The following VASP variants were observed in gnomAD, a reference collection of about 807,000 sequenced individuals.
VASP encodes the protein vasodilator-stimulated phosphoprotein.
In VASP, 27 loss-of-function variants were observed where a neutral mutation model predicts 54.4. That is an observed-to-expected ratio of 0.50 (90% CI 0.37 to 0.68). The LOEUF (loss-of-function observed/expected upper bound fraction) is 0.68. Among genes scored for constraint, VASP ranks in the 30% least tolerant of loss-of-function variants. The pLI is 0.00. For missense variants in VASP, 488 were observed against 528.3 expected (o/e 0.92, Z 0.75); for synonymous variants, 233 against 209.8 (o/e 1.11, Z -0.96).
At chr19:45,517,168 T>A (rs1462424969) in intron 1 of VASP, among the ~76,000 whole-genome samples, 1 of 150,554 alleles carries the variant, frequency 6.6e-6, no homozygotes, top group South Asian at 2.1e-4. Flanking sequence ...ATAATAATTA[T>A]TATTATTAGA....
Position 45,524,725 on chromosome 19 carries a change from A to G in VASP, c.1047+65A>G, listed in dbSNP as rs1968922620. 3 of 1,457,868 alleles carry G rather than the reference A, an allele frequency of 2.1e-6. No homozygotes were observed. In the East Asian group the frequency reaches 7.1e-5, roughly 34 times the overall value. The allele number at this position is 1,457,868 out of a possible 1,614,324, so 90.3% of individuals were successfully genotyped here. A position where few individuals can be genotyped will look rare whatever the true frequency, so the allele number is the denominator to read the frequency against. Reference sequence around the variant, plus strand: ...TCTAGGTCTGGCCCCTGCCACTGGCATGCCGTATGATCCTAGATAACATCT... The same window carrying G: ...TCTAGGTCTGGCCCCTGCCACTGGCGTGCCGTATGATCCTAGATAACATCT... On this transcript the variant is annotated intron_variant, in intron 11 of 12. Transcript: ENST00000245932.
chr19:45,509,370 G>A (rs1490145018), intron 1 of VASP, among the ~76,000 whole-genome samples: 1 of 148,406 alleles, frequency 6.7e-6, no homozygotes, highest in Non-Finnish European at 1.5e-5. Context: ...CTCTCCCCTT[G>A]CCCCCCAGCC....
At chr19:45,517,198 G>T (rs1568387378) in intron 1 of VASP, among the ~76,000 whole-genome samples, 3 of 151,422 alleles carry the variant, frequency 2.0e-5, no homozygotes, top group Non-Finnish European at 4.4e-5. Context: ...TCACTATGTT[G>T]CCCAGGCTGC....
rs1968522018 is a variant in VASP at position 45,507,959 on chromosome 19, C to T, written c.5+183C>T. 6.6e-6 allele frequency among the ~76,000 whole-genome samples: 1 copy of T among 152,122 alleles called. No individual in the cohort carries two copies. The highest frequency in any genetic ancestry group is 1.5e-5 in the Non-Finnish European group (1 of 68,004). On this transcript the variant is annotated intron_variant, in intron 1 of 12. Transcript: ENST00000245932. This position sits in a 1 kb window ranked among gnomAD's most constrained non-coding sequence, Gnocchi z 4.4. Reference sequence around the variant, plus strand: ...GTCGATCACTTCTCCACGACTGACTCCCCAAGCTCGGGGGGTGGTGGCGGT... The same window carrying T: ...GTCGATCACTTCTCCACGACTGACTTCCCAAGCTCGGGGGGTGGTGGCGGT...
rs1377172860 is a variant in VASP, at chr19:45,518,012, G to T, written c.261G>T (p.Gln87His). ...TCCATCAGTGGCGCGACGCTCGCCA[G>T]GTCTGGGGCCTCAACTTCGGCAGCA... Reference protein sequence around the residue: ...PNFHQWRDARQVWGLNFGSKE... With the variant: ...PNFHQWRDARHVWGLNFGSKE... The change falls in exon 3 of 13, where the codon CAG becomes CAT. Residue 87 changes from glutamine (Q) to histidine (H), a missense_variant. Physicochemically the swap from Gln to His is conservative, Grantham distance 24 (BLOSUM62 0). Transcript: ENST00000245932. The T allele has an allele frequency of 1.9e-6, 3 of 1,613,998 alleles. No individual in the cohort carries two copies. The highest frequency in any genetic ancestry group is 1.7e-6 in the Non-Finnish European group (2 of 1,179,996).
chr19:45,509,058 G>A (rs916717737), intron 1 of VASP, among the ~76,000 whole-genome samples: 1 of 152,188 alleles, frequency 6.6e-6, no homozygotes, highest in Non-Finnish European at 1.5e-5. Flanking sequence ...CCCTGGGGAC[G>A]GTTGGGGATT....
Sources: allele counts gnomAD v4.1 joint callset (sites outside exome capture counted in the v4.1 genomes callset), GRCh38; gene constraint gnomAD v4.1.1; non-coding constraint Gnocchi (gnomAD v3.1); transcripts MANE v1.5; gene names NCBI Gene and HGNC (gene_info 2026-07-23, HGNC 2026-07-21).